CDIN1: variants seen among roughly 807,000 people sequenced by gnomAD.
CDIN1 encodes CDAN1-interacting nuclease 1.
CDIN1 carries 33 observed loss-of-function variants against 45.3 expected under a neutral mutation model. The ratio of observed to expected loss-of-function variants is 0.73; its 90% CI spans 0.55 to 0.97. CDIN1 has a LOEUF of 0.97. Ranked by LOEUF, CDIN1 falls within the 50% of genes least tolerant of loss-of-function variation. CDIN1 has a pLI of 0.00. For synonymous variants in CDIN1, 118 were observed against 124.4 expected (o/e 0.95, Z 0.34); for missense variants, 303 against 339.4 (o/e 0.89, Z 0.84).
At chr15:36,665,721 C>CT (rs2041223262) in intron 5 of CDIN1, among the ~76,000 whole-genome samples, 1 of 152,096 alleles carries the variant, frequency 6.6e-6, no homozygotes, top group Non-Finnish European at 1.5e-5. Context: ...CTTAAGAAGA[C>CT]TATGGAAGTC....
At chr15:36,796,019 T>C (rs2054786379) in intron 10 of CDIN1, among the ~76,000 whole-genome samples, 1 of 152,236 alleles carries the variant, frequency 6.6e-6, no homozygotes. Context: ...TTACAAATTT[T>C]CATCCTGGGT....
chr15:36,590,528 T>C (rs2140184781), intron 1 of CDIN1, among the ~76,000 whole-genome samples: 1 of 152,278 alleles, frequency 6.6e-6, no homozygotes, highest in South Asian at 2.1e-4. Flanking sequence ...TTGAGGCAAT[T>C]CTGTGCGAAG....
chr15:36,752,375 C>T (rs547929311), intron 10 of CDIN1, among the ~76,000 whole-genome samples: 86 of 152,334 alleles, frequency 5.6e-4, no homozygotes, highest in Middle Eastern at 3.4e-3. Flanking sequence ...CTGCATCTGT[C>T]TGCACTGACT....
At chr15:36,788,106 ATTT>A (rs1172040193) in intron 10 of CDIN1, among the ~76,000 whole-genome samples, 21 of 50,478 alleles carry the variant, frequency 4.2e-4, no homozygotes, top group African/African-American at 1.6e-3. Context: ...ATATATATAT[ATTT>A]TTTTTTTTTT....
chr15:36,734,411 A>AT (rs1566938439), intron 10 of CDIN1: 1 of 377,362 alleles, frequency 2.6e-6, no homozygotes, highest in Non-Finnish European at 5.1e-6. Flanking sequence ...TTTTTTTTTT[A>AT]AAAAAAGCTC....
Position 36,579,842 on chromosome 15 carries a change from T to C in CDIN1, c.-19T>C. Reference sequence around the variant, plus strand: ...GTGTTTTTTCCTTGTTCCCGCCACCTCCTGGTCCCTGGCCCAACATGATAC... The same window carrying C: ...GTGTTTTTTCCTTGTTCCCGCCACCCCCTGGTCCCTGGCCCAACATGATAC... On this transcript the variant is annotated 5_prime_UTR_variant, in exon 1 of 11. Coordinates refer to ENST00000566621, the MANE Select transcript of CDIN1 (RefSeq NM_001321759.2). 1 of 1,606,302 alleles carries C rather than the reference T, an allele frequency of 6.2e-7. No homozygotes were observed. The highest frequency in any genetic ancestry group is 2.2e-5 in the East Asian group (1 of 44,690).
chr15:36,654,839 CA>C (rs1416255122), intron 4 of CDIN1, among the ~76,000 whole-genome samples: 2 of 151,862 alleles, frequency 1.3e-5, no homozygotes, highest in Non-Finnish European at 2.9e-5. Context: ...GAGAGCATAC[CA>C]AAAAAATAAA....
rs1040481578 is a variant in CDIN1, at chr15:36,807,068, G to A, written c.717-1256G>A. ...GCTGCCATCTCATGGTTCTGTACCT[G>A]CACAGAGGGGAATCCCAAAGTTTTA... On this transcript the variant is annotated intron_variant, in intron 10 of 10. Transcript: ENST00000566621. 2.6e-5 allele frequency among the ~76,000 whole-genome samples: 4 copies of A among 152,152 alleles called. No homozygotes were observed. In the East Asian group the frequency reaches 7.7e-4, roughly 29 times the overall value.
At chr15:36,611,466 T>A (rs2038646907) in intron 1 of CDIN1, among the ~76,000 whole-genome samples, 1 of 152,220 alleles carries the variant, frequency 6.6e-6, no homozygotes, top group Non-Finnish European at 1.5e-5. Flanking sequence ...CTATTTAATG[T>A]ACATTGGTGG....
intron 3 of CDIN1, among the ~76,000 whole-genome samples, chr15:36,651,198 A>G (rs147148625): frequency 1.8e-3 from 278 of 152,334 alleles, no homozygotes; most frequent in African/African-American, 6.3e-3. Flanking sequence ...AGTATTGAGA[A>G]TGACATCTGT....
rs369027125 is a variant in CDIN1, at chr15:36,599,983, T to A, written c.101+20022T>A. Reference sequence around the variant, plus strand: ...TGTCTGTGCTGGTTAGAATAAAAAATCATGGGTGCATCTTGGGCTCAGAGA... The same window carrying A: ...TGTCTGTGCTGGTTAGAATAAAAAAACATGGGTGCATCTTGGGCTCAGAGA... On this transcript the variant is annotated intron_variant, in intron 1 of 10. Coordinates refer to ENST00000566621, the MANE Select transcript of CDIN1 (RefSeq NM_001321759.2). Among the ~76,000 whole-genome samples, 7 of 152,216 alleles carry A rather than the reference T, an allele frequency of 4.6e-5. No individual in the cohort carries two copies. In the South Asian group the frequency reaches 8.3e-4, roughly 18 times the overall value.
intron 1 of CDIN1, among the ~76,000 whole-genome samples, chr15:36,596,822 A>T (rs2037857303): frequency 6.6e-6 from 1 of 152,142 alleles, no homozygotes; most frequent in East Asian, 1.9e-4. Flanking sequence ...AAAAACCCAG[A>T]ATATGCTCTC....
At chr15:36,710,428 G>A (rs1280752528) in intron 10 of CDIN1, among the ~76,000 whole-genome samples, 6 of 152,232 alleles carry the variant, frequency 3.9e-5, no homozygotes, top group South Asian at 4.1e-4. Flanking sequence ...TCATATTAAC[G>A]TTCCCAAAGA....
intron 10 of CDIN1, among the ~76,000 whole-genome samples, chr15:36,721,376 C>G (rs907129492): frequency 2.0e-5 from 3 of 152,130 alleles, no homozygotes; most frequent in African/African-American, 7.2e-5. Flanking sequence ...TTACATATTG[C>G]ATTTTCATTT....
intron 3 of CDIN1, among the ~76,000 whole-genome samples, chr15:36,649,662 T>C (rs1438922167): frequency 6.6e-6 from 1 of 152,182 alleles, no homozygotes; most frequent in East Asian, 1.9e-4. Context: ...GAGTGTCTTC[T>C]CTCAGCTTGG....
At chr15:36,685,131 G>A (rs1349221463) in intron 5 of CDIN1, among the ~76,000 whole-genome samples, 2 of 149,162 alleles carry the variant, frequency 1.3e-5, no homozygotes, top group Non-Finnish European at 3.0e-5. Context: ...GCTTTTGAAT[G>A]TGTTTGCTCT....
chr15:36,709,706 A>G, intron 9 of CDIN1, 150 bp from the exon 10 acceptor site: 1 of 589,990 alleles, frequency 1.7e-6, no homozygotes. Flanking sequence ...ATGAACATAT[A>G]CAGTGTGTTG....
At chr15:36,655,514 A>G (rs949950758) in intron 4 of CDIN1, among the ~76,000 whole-genome samples, 4 of 151,910 alleles carry the variant, frequency 2.6e-5, no homozygotes, top group Admixed American at 6.6e-5. Context: ...TTTAGCAGAG[A>G]CGGGGTTTCA....
At chr15:36,660,372 A>G (rs12439969) in intron 5 of CDIN1, among the ~76,000 whole-genome samples, 1 of 151,964 alleles carries the variant, frequency 6.6e-6, no homozygotes, top group African/African-American at 2.4e-5. Context: ...TAAAACTAGA[A>G]ATCAGGCAAA....
Sources: gnomAD v4.1 joint callset for allele counts (sites outside exome capture counted in the v4.1 genomes callset) on GRCh38, gnomAD v4.1.1 for gene constraint, MANE v1.5 for transcripts, NCBI Gene and HGNC (gene_info 2026-07-23, HGNC 2026-07-21) for gene names.